The following NAV3 variants were observed in gnomAD, a reference collection of about 807,000 sequenced individuals.
NAV3 encodes pore membrane and/or filament interacting like protein 1.
Under a neutral mutation model 244.7 loss-of-function variants are expected in NAV3, and 87 were observed. The ratio of observed to expected loss-of-function variants is 0.36; its 90% CI spans 0.30 to 0.42. NAV3 has a LOEUF of 0.42. Ranked by LOEUF, NAV3 falls within the 20% of genes least tolerant of loss-of-function variation. The pLI, the probability that NAV3 is intolerant of heterozygous loss-of-function variation, is 1.00. For missense variants in NAV3, 2,663 were observed against 2,893.3 expected (o/e 0.92, Z 1.83); for synonymous variants, 1,126 against 1,042.2 (o/e 1.08, Z -1.55).
In NAV3 at chr12:77,740,415, T is replaced by C. The variant is rs531376018; in HGVS notation, c.72+168149T>C. ...ACATCAAAAAGCTTTTTCTTGGCTA[T>C]TGATTGAAGGAAACCTGATTTTGAA... On this transcript the variant is annotated intron_variant, in intron 2 of 8. Transcript: ENST00000550042. Among the ~76,000 whole-genome samples, 42 of 152,210 alleles carry C rather than the reference T, an allele frequency of 2.8e-4. 2 individuals are homozygous for C. In the South Asian group the frequency reaches 6.2e-3, roughly 23 times the overall value.
At chr12:77,764,087 T>C (rs1158067649) in intron 2 of NAV3, among the ~76,000 whole-genome samples, 2 of 152,248 alleles carry the variant, frequency 1.3e-5, no homozygotes, top group Non-Finnish European at 2.9e-5. Flanking sequence ...TTCTTTCCAC[T>C]AAATTTGTCC....
intron 1 of NAV3, among the ~76,000 whole-genome samples, chr12:77,851,100 A>G (rs1482818687): frequency 6.6e-6 from 1 of 152,168 alleles, no homozygotes; most frequent in Non-Finnish European, 1.5e-5. Flanking sequence ...CCATATTGGC[A>G]AGGAGCACCC....
intron 21 of NAV3, among the ~76,000 whole-genome samples, chr12:78,147,867 G>A (rs1164049240): frequency 6.6e-6 from 1 of 152,010 alleles, no homozygotes; most frequent in Non-Finnish European, 1.5e-5. Context: ...GAAATGAGAA[G>A]CATCAAAAGT....
At chr12:77,672,815 AAG>A (rs1204559436) in intron 2 of NAV3, among the ~76,000 whole-genome samples, 1 of 151,680 alleles carries the variant, frequency 6.6e-6, no homozygotes, top group Non-Finnish European at 1.5e-5. Context: ...TGAAATAAAA[AAG>A]AAATTAAAAA....
chr12:77,709,730 T>G (rs1226313019), intron 2 of NAV3, among the ~76,000 whole-genome samples: 2 of 152,224 alleles, frequency 1.3e-5, no homozygotes, highest in Non-Finnish European at 1.5e-5. Context: ...AAGCACTCCT[T>G]ATTTGCTGTC....
chr12:77,633,089 T>C (rs946485531), intron 2 of NAV3, among the ~76,000 whole-genome samples: 19 of 152,136 alleles, frequency 1.2e-4, no homozygotes, highest in Admixed American at 2.0e-4. Flanking sequence ...TGAATTTTAA[T>C]GATTTTTAGA....
chr12:77,612,060 GA>G (rs10719396), intron 2 of NAV3, among the ~76,000 whole-genome samples: 30,681 of 151,710 alleles, frequency 0.2, 4,209 homozygotes, highest in African/African-American at 0.39. Context: ...TGAACTGTTA[GA>G]AAAAAATGCT....
At position 78,190,051 on chromosome 12, in the gene NAV3, G is replaced by T. The variant is rs746764163; in HGVS notation, c.6123G>T (p.Arg2041Ser). 1 of 1,613,104 alleles carries T rather than the reference G, an allele frequency of 6.2e-7. No homozygotes were observed. The highest frequency in any genetic ancestry group is 8.5e-7 in the Non-Finnish European group (1 of 1,179,446). The change falls in exon 34 of 40, where the codon AGG becomes AGT. Residue 2041 changes from arginine to serine, a missense_variant. By Grantham distance (110) the Arg-to-Ser change is moderately radical (BLOSUM62 -1). Coordinates refer to ENST00000397909, the MANE Select transcript of NAV3 (RefSeq NM_001024383.2). ...TGATTCCTAAACCAATTACCCAAAGGTACTTTAACTTGTTGATGGAGCATC... is the reference window on the plus strand; with the variant it reads ...TGATTCCTAAACCAATTACCCAAAGTTACTTTAACTTGTTGATGGAGCATC... ...DTLIPKPITQ[R>S]YFNLLMEHHR...
chr12:77,959,254 C>T (rs779888460), intron 3 of NAV3, among the ~76,000 whole-genome samples: 1 of 151,894 alleles, frequency 6.6e-6, no homozygotes, highest in East Asian at 1.9e-4. Flanking sequence ...CTTTTGAGTT[C>T]GTAAATGTAA....
At chr12:77,960,450 TAC>T (rs35625985) in intron 3 of NAV3, among the ~76,000 whole-genome samples, 91,219 of 144,088 alleles carry the variant, frequency 0.63, 28,974 homozygotes, top group African/African-American at 0.71. Context: ...TATATATATA[TAC>T]ACACACACAC....
In NAV3 at chr12:77,796,063, T is replaced by C. The variant is rs777743466; in HGVS notation, c.73-144256T>C. ...AAGTAGTAATTTTGACTTTCAAGTTTTATTGTTTAAGAAATACATTTCATA... is the reference window on the plus strand; with the variant it reads ...AAGTAGTAATTTTGACTTTCAAGTTCTATTGTTTAAGAAATACATTTCATA... On this transcript the variant is annotated intron_variant, in intron 2 of 8. Coordinates refer to the NAV3 transcript ENST00000550042. Among the ~76,000 whole-genome samples, 78 of 152,182 alleles carry C rather than the reference T, an allele frequency of 5.1e-4. 1 individual carries two copies. The highest frequency in any genetic ancestry group is 1.3e-4 in the Non-Finnish European group (9 of 68,032).
intron 1 of NAV3, among the ~76,000 whole-genome samples, chr12:77,879,481 C>T (rs1882320439): frequency 6.6e-6 from 1 of 151,948 alleles, no homozygotes; most frequent in African/African-American, 2.4e-5. Context: ...CAGCCTGGCA[C>T]ATGGCCAACT....
chr12:78,005,647 A>C (rs1473080737), intron 7 of NAV3, among the ~76,000 whole-genome samples: 1 of 152,234 alleles, frequency 6.6e-6, no homozygotes, highest in Non-Finnish European at 1.5e-5. Flanking sequence ...AGAAAATTAT[A>C]GAGCTTGGGC....
At chr12:77,678,805 G>A (rs1016012869) in intron 2 of NAV3, among the ~76,000 whole-genome samples, 1 of 151,600 alleles carries the variant, frequency 6.6e-6, no homozygotes, top group African/African-American at 2.4e-5. Flanking sequence ...CTAAGAAGTA[G>A]AGAAATCTAA....
chr12:77,793,436 T>G (rs878899205), intron 2 of NAV3, among the ~76,000 whole-genome samples: 1 of 152,126 alleles, frequency 6.6e-6, no homozygotes, highest in East Asian at 1.9e-4. Context: ...AAGCCCCACA[T>G]GCATTAGGTA....
intron 1 of NAV3, among the ~76,000 whole-genome samples, chr12:77,930,374 A>G (rs1423032491): frequency 6.6e-6 from 1 of 152,082 alleles, no homozygotes; most frequent in Non-Finnish European, 1.5e-5. Context: ...TTTTTTTTCT[A>G]TAGAGCTAAT....
intron 2 of NAV3, among the ~76,000 whole-genome samples, chr12:77,636,275 G>T (rs1872149297): frequency 6.6e-6 from 1 of 151,928 alleles, no homozygotes; most frequent in Non-Finnish European, 1.5e-5. Context: ...GACCATCCTG[G>T]CTAACATAGC....
intron 12 of NAV3, among the ~76,000 whole-genome samples, chr12:78,070,168 A>C (rs1197262174): frequency 6.6e-6 from 1 of 152,124 alleles, no homozygotes; most frequent in East Asian, 1.9e-4. Context: ...TGCTAGGTAA[A>C]AATAAAATTA....
chr12:77,964,649 A>G (rs1892355147), intron 3 of NAV3, among the ~76,000 whole-genome samples: 1 of 152,324 alleles, frequency 6.6e-6, no homozygotes, highest in South Asian at 2.1e-4. Flanking sequence ...GAATTAATAT[A>G]TATTTCAGCA....
Sources: allele counts gnomAD v4.1 joint callset (sites outside exome capture counted in the v4.1 genomes callset), GRCh38; gene constraint gnomAD v4.1.1; transcripts MANE v1.5; gene names NCBI Gene and HGNC (gene_info 2026-07-23, HGNC 2026-07-21).